Variants in KCNH7 observed in about 807,000 individuals in gnomAD.
KCNH7 encodes the protein voltage-gated inwardly rectifying potassium channel KCNH7.
A neutral mutation model predicts 120.8 loss-of-function variants in KCNH7; 49 were observed. That is an observed-to-expected ratio of 0.41 (90% confidence interval 0.32 to 0.51). KCNH7 has a LOEUF of 0.51. Among genes scored for constraint, KCNH7 ranks in the 20% least tolerant of loss-of-function variants. The pLI, the probability that KCNH7 is intolerant of heterozygous loss-of-function variation, is 0.38. For synonymous variants in KCNH7, 547 were observed against 516.1 expected (o/e 1.06, Z -0.81); for missense variants, 1,097 against 1,446.6 (o/e 0.76, Z 3.92).
intron 2 of KCNH7, among the ~76,000 whole-genome samples, chr2:162,670,788 G>A (rs1312972856): frequency 6.6e-6 from 1 of 151,200 alleles, no homozygotes; most frequent in African/African-American, 2.4e-5. Context: ...TTCCAAAAAG[G>A]TGGAAAAAAT....
chr2:162,726,598 T>C (rs1687530624), intron 2 of KCNH7, among the ~76,000 whole-genome samples: 2 of 152,094 alleles, frequency 1.3e-5, no homozygotes, highest in Admixed American at 6.6e-5. Flanking sequence ...TTTTGTATTT[T>C]TAGTAAAGAC....
intron 6 of KCNH7, among the ~76,000 whole-genome samples, chr2:162,456,571 G>A (rs1688970881): frequency 6.6e-6 from 1 of 151,728 alleles, no homozygotes; most frequent in Non-Finnish European, 1.5e-5. Flanking sequence ...TGTTAATTTT[G>A]TGTCTCGATC....
In KCNH7 at chr2:162,837,604, AAT is replaced by A. The variant is rs557446265; in HGVS notation, c.76+837_76+838del. On this transcript the variant is annotated intron_variant, in intron 1 of 15. Transcript: ENST00000332142. ...AAATGCAGTGCTGAAATAACCGCAA[AAT>A]ATATGGCATACAAATGTATTAATAT... Among the ~76,000 whole-genome samples the A allele has an allele frequency of 2.5e-3, 387 of 152,336 alleles. 1 individual carries two copies. The highest frequency in any genetic ancestry group is 8.6e-3 in the African/African-American group (357 of 41,580).
intron 2 of KCNH7, among the ~76,000 whole-genome samples, chr2:162,748,927 T>TTCCTTCC (rs1482969127): frequency 4.7e-4 from 13 of 27,862 alleles, no homozygotes; most frequent in East Asian, 2.5e-3. Context: ...TTCCCTTTCC[T>TTCCTTCC]TTCCTTCCTT....
chr2:162,756,856 C>T (rs1302896545), intron 2 of KCNH7, among the ~76,000 whole-genome samples: 2 of 152,128 alleles, frequency 1.3e-5, no homozygotes, highest in Non-Finnish European at 2.9e-5. Context: ...AAGTGAGATT[C>T]GCTTTTAGAT....
chr2:162,517,313 C>T (rs948216169), intron 4 of KCNH7, among the ~76,000 whole-genome samples: 3 of 151,780 alleles, frequency 2.0e-5, no homozygotes, highest in African/African-American at 7.2e-5. Flanking sequence ...TATGCTGCTC[C>T]CTTTGGAAAG....
At chr2:162,508,655 G>A (rs754905001) in intron 5 of KCNH7, among the ~76,000 whole-genome samples, 2 of 151,216 alleles carry the variant, frequency 1.3e-5, no homozygotes, top group East Asian at 2.0e-4. Context: ...TTATTTCACC[G>A]ATTGTAAACC....
chr2:162,509,214 C>G (rs957957465), intron 5 of KCNH7, among the ~76,000 whole-genome samples: 1 of 151,306 alleles, frequency 6.6e-6, no homozygotes, highest in Admixed American at 6.6e-5. Context: ...TACGATGAGG[C>G]TATTTAAATT....
At position 162,747,336 on chromosome 2, in the gene KCNH7, CCAT is replaced by C. The variant is rs550637265; in HGVS notation, c.307+89198_307+89200del. Among the ~76,000 whole-genome samples the C allele has an allele frequency of 4.9e-4, 74 of 152,204 alleles. 1 individual carries two copies. The highest frequency in any genetic ancestry group is 9.0e-4 in the Non-Finnish European group (61 of 67,970). On this transcript the variant is annotated intron_variant, in intron 2 of 15. Transcript: ENST00000332142. ...TGAGAGTTAAAAATAATAAAAGAAA[CCAT>C]CAAGAACTTTGATCTGTTAGCACTG...
intron 2 of KCNH7, among the ~76,000 whole-genome samples, chr2:162,682,971 A>G (rs1685764920): frequency 6.6e-6 from 1 of 151,842 alleles, no homozygotes. Flanking sequence ...TGCTTAATAT[A>G]GGATAGTCTA....
Position 162,606,894 on chromosome 2 carries a change from G to A in KCNH7, c.308-69814C>T, listed in dbSNP as rs542412299. 2.0e-3 allele frequency among the ~76,000 whole-genome samples: 304 copies of A among 152,132 alleles called. 2 individuals carry two copies. The highest frequency in any genetic ancestry group is 6.9e-3 in the African/African-American group (288 of 41,512). ...ATGCTATCTTTATTAAGATAAAAGCGAGAAACAGCTTAAATTTTATAGCAT... is the reference window on the plus strand; with the variant it reads ...ATGCTATCTTTATTAAGATAAAAGCAAGAAACAGCTTAAATTTTATAGCAT... On this transcript the variant is annotated intron_variant, in intron 2 of 15. Coordinates refer to ENST00000332142, the MANE Select transcript of KCNH7 (RefSeq NM_033272.4).
intron 2 of KCNH7, among the ~76,000 whole-genome samples, chr2:162,669,878 T>C (rs1685282443): frequency 6.6e-6 from 1 of 152,082 alleles, no homozygotes; most frequent in Non-Finnish European, 1.5e-5. Flanking sequence ...GGCGGGCGGA[T>C]AACCTGAGGT....
chr2:162,549,721 T>A (rs986338104), intron 2 of KCNH7, among the ~76,000 whole-genome samples: 78 of 152,300 alleles, frequency 5.1e-4, no homozygotes, highest in African/African-American at 1.8e-3. Flanking sequence ...AAGAAAGAGA[T>A]TAAAACTTAA....
chr2:162,509,676 A>G (rs969657533), intron 5 of KCNH7, among the ~76,000 whole-genome samples: 7 of 151,582 alleles, frequency 4.6e-5, no homozygotes, highest in African/African-American at 1.7e-4. Flanking sequence ...TTGAAAATCA[A>G]TTTGCAAATC....
chr2:162,582,813 A>G (rs1693922248), intron 2 of KCNH7, among the ~76,000 whole-genome samples: 1 of 152,058 alleles, frequency 6.6e-6, no homozygotes, highest in Non-Finnish European at 1.5e-5. Context: ...AACCTCTCCA[A>G]CCTCACTTTC....
intron 2 of KCNH7, among the ~76,000 whole-genome samples, chr2:162,642,517 A>G (rs1684197725): frequency 6.6e-6 from 1 of 152,210 alleles, no homozygotes; most frequent in South Asian, 2.1e-4. Flanking sequence ...CAGTTTAGCT[A>G]ATCACAGTAC....
At chr2:162,373,327 C>G in intron 15 of KCNH7, 143 bp downstream of exon 15, 2 of 479,504 alleles carry the variant, frequency 4.2e-6, no homozygotes, top group East Asian at 6.8e-5. Context: ...TTACAGGGCC[C>G]ATTTCCAGAA....
chr2:162,651,307 T>A (rs1041156313), intron 2 of KCNH7, among the ~76,000 whole-genome samples: 1 of 152,168 alleles, frequency 6.6e-6, no homozygotes, highest in Admixed American at 6.5e-5. Context: ...AATTATTTCA[T>A]CAACCAGGCA....
chr2:162,835,106 C>A (rs905786366), intron 2 of KCNH7, among the ~76,000 whole-genome samples: 49 of 151,904 alleles, frequency 3.2e-4, no homozygotes, highest in African/African-American at 1.2e-3. Context: ...GACAACAGAA[C>A]AATTAGGCTA....
Sources: gnomAD v4.1 joint callset for allele counts (sites outside exome capture counted in the v4.1 genomes callset) on GRCh38, gnomAD v4.1.1 for gene constraint, MANE v1.5 for transcripts, NCBI Gene and HGNC (gene_info 2026-07-23, HGNC 2026-07-21) for gene names.